CDK14: variants seen among roughly 807,000 people sequenced by gnomAD.
The protein encoded by CDK14 is cyclin dependent kinase 14.
A neutral mutation model predicts 60.7 loss-of-function variants in CDK14; 34 were observed. The observed-to-expected ratio is 0.56, with a 90% CI of 0.43 to 0.75. The LOEUF is 0.75. Among genes scored for constraint, CDK14 ranks in the 30% least tolerant of loss-of-function variants. The probability of loss-of-function intolerance (pLI) is 0.00; values close to 1 mark genes in which losing one functional copy is unlikely to be tolerated. For missense variants in CDK14, 482 were observed against 564.1 expected (o/e 0.85, Z 1.47); for synonymous variants, 197 against 203.7 (o/e 0.97, Z 0.28).
intron 10 of CDK14, among the ~76,000 whole-genome samples, chr7:91,033,549 G>T (rs1796826629): frequency 1.3e-5 from 2 of 152,196 alleles, no homozygotes; most frequent in Non-Finnish European, 2.9e-5. Flanking sequence ...ATTCAGCAGG[G>T]AGTGGGACCT....
At chr7:90,776,159 C>G (rs1374902869) in intron 4 of CDK14, among the ~76,000 whole-genome samples, 1 of 152,074 alleles carries the variant, frequency 6.6e-6, no homozygotes, top group Non-Finnish European at 1.5e-5. Flanking sequence ...TGTGCTTTGC[C>G]TTCTTTTGAT....
At chr7:91,041,453 G>GC in intron 10 of CDK14, among the ~76,000 whole-genome samples, 1 of 152,058 alleles carries the variant, frequency 6.6e-6, no homozygotes, top group Admixed American at 6.5e-5. Flanking sequence ...ATTGCCCTCA[G>GC]CCCCCAAACT....
intron 7 of CDK14, among the ~76,000 whole-genome samples, chr7:90,910,521 C>T (rs141483240): frequency 7.4e-4 from 113 of 152,080 alleles, no homozygotes; most frequent in African/African-American, 2.2e-3. Context: ...TTAAATGATA[C>T]GGCGTTAAAT....
intron 10 of CDK14, among the ~76,000 whole-genome samples, chr7:91,017,043 T>C (rs1282090677): frequency 6.6e-6 from 1 of 152,186 alleles, no homozygotes; most frequent in Non-Finnish European, 1.5e-5. Context: ...GAGCCCCCAG[T>C]GGTGTTTCCT....
At position 90,940,012 on chromosome 7, in the gene CDK14, G is replaced by A. The variant is rs548309135; in HGVS notation, c.827-15685G>A. On this transcript the variant is annotated intron_variant, in intron 8 of 14. Coordinates refer to ENST00000380050, the MANE Select transcript of CDK14 (RefSeq NM_001287135.2). Reference sequence around the variant, plus strand: ...AGTGAAATAAGGCTGGAGTCGGGGGGATGTAGGGAGCTGAGACTGCCCAGG... The same window carrying A: ...AGTGAAATAAGGCTGGAGTCGGGGGAATGTAGGGAGCTGAGACTGCCCAGG... Among the ~76,000 whole-genome samples, 10 of 152,280 alleles carry A rather than the reference G, an allele frequency of 6.6e-5. No individual in the cohort carries two copies. The South Asian group carries it at 1.7e-3, about 25-fold the overall frequency.
chr7:91,019,941 G>T (rs998250915), intron 10 of CDK14, among the ~76,000 whole-genome samples: 16 of 152,110 alleles, frequency 1.1e-4, no homozygotes, highest in African/African-American at 3.9e-4. Context: ...GTTTATTTTT[G>T]CTCAAATGCT....
rs935225423 is a variant in CDK14, at chr7:90,895,335, C to T, written c.640-3956C>T. Among the ~76,000 whole-genome samples, 48 of 79,794 alleles carry T rather than the reference C, an allele frequency of 6.0e-4. 2 individuals carry two copies. Among genetic ancestry groups the T allele is most frequent in the Non-Finnish European group, 7.4e-4 (28 of 38,028 alleles). 52.3% of individuals were successfully genotyped at this position (79,794 alleles called of 152,430 possible). On this transcript the variant is annotated intron_variant, in intron 6 of 14. Coordinates refer to ENST00000380050, the MANE Select transcript of CDK14 (RefSeq NM_001287135.2). The stretch of plus-strand genomic sequence containing the variant: ...CCTCTTCTTTCCTCTCCTTTCCTCT[C>T]CTCTCCTCTCCTCTCCTCTCCTCAC...
intron 3 of CDK14, among the ~76,000 whole-genome samples, chr7:90,739,710 G>A (rs1388004153): frequency 1.3e-5 from 2 of 152,076 alleles, no homozygotes; most frequent in East Asian, 1.9e-4. Context: ...CTTTAACTTA[G>A]ATTGCATTCA....
At chr7:90,991,330 G>A (rs574545513) in intron 10 of CDK14, among the ~76,000 whole-genome samples, 90 of 152,168 alleles carry the variant, frequency 5.9e-4, no homozygotes, top group African/African-American at 1.9e-3. Context: ...TTCCCACATC[G>A]TATTAGTTCT....
chr7:90,660,281 GCTAACTCAAATATCTATTTA>G (rs1563034569), intron 2 of CDK14, among the ~76,000 whole-genome samples: 1 of 152,048 alleles, frequency 6.6e-6, no homozygotes, highest in East Asian at 1.9e-4. Flanking sequence ...TCAAATACTG[GCTAACTCAAATATCTATTTA>G]CTAACTCAAG....
At chr7:90,635,489 C>G (rs978567736) in intron 2 of CDK14, among the ~76,000 whole-genome samples, 1 of 152,138 alleles carries the variant, frequency 6.6e-6, no homozygotes, top group African/African-American at 2.4e-5. Context: ...TTCCATTGAT[C>G]TATATCTCTG....
chr7:90,598,247 A>G (rs1375222283), intron 1 of CDK14, among the ~76,000 whole-genome samples: 1 of 152,260 alleles, frequency 6.6e-6, no homozygotes, highest in Non-Finnish European at 1.5e-5. Context: ...AACCAAGGAC[A>G]TTAATCTAAA....
At chr7:91,154,274 C>T (rs1229339283) in intron 14 of CDK14, among the ~76,000 whole-genome samples, 19 of 151,222 alleles carry the variant, frequency 1.3e-4, no homozygotes. Flanking sequence ...ATCAAATCCT[C>T]TTCTGCTTGG....
chr7:91,026,440 G>C (rs1030478430), intron 10 of CDK14, among the ~76,000 whole-genome samples: 1 of 152,202 alleles, frequency 6.6e-6, no homozygotes, highest in African/African-American at 2.4e-5. Flanking sequence ...GTAATCACAA[G>C]ACAGGATAGT....
At chr7:90,746,827 C>T (rs1464503058) in intron 3 of CDK14, among the ~76,000 whole-genome samples, 4 of 152,022 alleles carry the variant, frequency 2.6e-5, no homozygotes, top group African/African-American at 9.7e-5. Flanking sequence ...GCAGCTATAC[C>T]TTAAGGATTG....
intron 10 of CDK14, among the ~76,000 whole-genome samples, chr7:91,016,079 T>A (rs1170098099): frequency 2.0e-5 from 3 of 152,086 alleles, no homozygotes; most frequent in African/African-American, 4.8e-5. Context: ...AATAAATAGA[T>A]CCCTGCTGCT....
intron 14 of CDK14, among the ~76,000 whole-genome samples, chr7:91,202,189 T>A (rs1026482075): frequency 1.3e-5 from 2 of 152,204 alleles, no homozygotes; most frequent in Admixed American, 6.5e-5. Context: ...ATAGGGCACA[T>A]GGGTCAGAAC....
chr7:91,112,813 T>A, intron 13 of CDK14, 132 bp downstream of exon 13: 1 of 913,780 alleles, frequency 1.1e-6, no homozygotes, highest in Non-Finnish European at 1.7e-6. Flanking sequence ...TGTTTGTATG[T>A]GCATTACAGG....
chr7:90,659,875 C>CTCTCTCTG (rs1235758434), intron 2 of CDK14, among the ~76,000 whole-genome samples: 5 of 129,050 alleles, frequency 3.9e-5, no homozygotes, highest in East Asian at 2.3e-4. Flanking sequence ...CTCTCTCTCT[C>CTCTCTCTG]TGTGTGTGTG....
Sources: allele counts gnomAD v4.1 joint callset (sites outside exome capture counted in the v4.1 genomes callset), GRCh38; gene constraint gnomAD v4.1.1; transcripts MANE v1.5; gene names NCBI Gene and HGNC (gene_info 2026-07-23, HGNC 2026-07-21).